The following PDE1C variants were observed in gnomAD, a reference collection of about 807,000 sequenced individuals.
PDE1C encodes the protein phosphodiesterase 1C, also known as dual specificity calcium/calmodulin-dependent 3',5'-cyclic nucleotide phosphodiesterase 1C.
A neutral mutation model predicts 93.1 loss-of-function variants in PDE1C; 62 were observed. That is an observed-to-expected ratio of 0.67 (90% CI 0.54 to 0.82). The LOEUF (loss-of-function observed/expected upper bound fraction) is 0.82, where lower values mean the gene tolerates loss of function less well. Among genes scored for constraint, PDE1C ranks in the 40% least tolerant of loss-of-function variants. The pLI is 0.00. For missense variants in PDE1C, 742 were observed against 884.6 expected (o/e 0.84, Z 2.04); for synonymous variants, 325 against 310.1 (o/e 1.05, Z -0.50).
At chr7:31,745,636 G>T in the PDE1C span, among the ~76,000 whole-genome samples, 1 of 152,062 alleles carries the variant, frequency 6.6e-6, no homozygotes, top group Non-Finnish European at 1.5e-5. Context: ...ATTTCCAAAG[G>T]CAAAAGGCAA....
At chr7:31,841,153 TA>T (rs575691246) in intron 9 of PDE1C, among the ~76,000 whole-genome samples, 3 of 151,774 alleles carry the variant, frequency 2.0e-5, no homozygotes, top group Non-Finnish European at 2.9e-5. Context: ...TGTGCTATTG[TA>T]AAAAATTATT....
chr7:32,019,150 TAAAAAAAAAAA>T (rs75146295), intron 2 of PDE1C, among the ~76,000 whole-genome samples: 2 of 118,842 alleles, frequency 1.7e-5, no homozygotes, highest in South Asian at 5.4e-4. Context: ...TATGTTGTTT[TAAAAAAAAAAA>T]AAAAAAAAAA....
At chr7:32,368,189 G>A (rs1002970731) in intron 1 of PDE1C, among the ~76,000 whole-genome samples, 1 of 151,992 alleles carries the variant, frequency 6.6e-6, no homozygotes, top group Admixed American at 6.6e-5. Context: ...AAAGAAGGAA[G>A]TCAGATTGTC....
intron 2 of PDE1C, among the ~76,000 whole-genome samples, chr7:32,044,657 T>C (rs1170232102): frequency 1.3e-5 from 2 of 151,788 alleles, no homozygotes; most frequent in Non-Finnish European, 1.5e-5. Flanking sequence ...GAAAGTAATG[T>C]GAAGGAAAAG....
chr7:32,140,722 A>G (rs1212361871), intron 3 of PDE1C, among the ~76,000 whole-genome samples: 3 of 152,090 alleles, frequency 2.0e-5, no homozygotes, highest in Non-Finnish European at 4.4e-5. Context: ...CCTTTTACCC[A>G]CTTCCCTTAC....
intron 1 of PDE1C, among the ~76,000 whole-genome samples, chr7:32,342,847 C>T (rs1783784859): frequency 6.6e-6 from 1 of 152,170 alleles, no homozygotes; most frequent in Admixed American, 6.5e-5. Flanking sequence ...TATTAGCTTT[C>T]TTATGCAGAA....
Position 32,418,170 on chromosome 7 carries a change from C to A in PDE1C, c.310+9652G>T, listed in dbSNP as rs73687200. ...TGCCCAGCCTTACTTCTGGAAACTT[C>A]CTCAGTACTATGGTCTTCCCCACAT... is the stretch of plus-strand genomic sequence containing the variant. On this transcript the variant is annotated intron_variant, in intron 1 of 1. Transcript: ENST00000672256. 8.7e-3 allele frequency among the ~76,000 whole-genome samples: 1,324 copies of A among 152,238 alleles called. 19 individuals carry two copies. Among genetic ancestry groups the A allele is most frequent in the African/African-American group, 0.026 (1,093 of 41,528 alleles).
intron 1 of PDE1C, among the ~76,000 whole-genome samples, chr7:32,343,961 T>G (rs1783805192): frequency 6.6e-6 from 1 of 152,270 alleles, no homozygotes; most frequent in Non-Finnish European, 1.5e-5. Flanking sequence ...TTCCTTGTAT[T>G]GTTTTGGAAA....
chr7:31,648,951 G>A, the PDE1C span, among the ~76,000 whole-genome samples: 1 of 152,208 alleles, frequency 6.6e-6, no homozygotes, highest in African/African-American at 2.4e-5. Context: ...ATCTATAACA[G>A]ATGCCCTTCA....
chr7:31,694,339 C>T, the PDE1C span, among the ~76,000 whole-genome samples: 2 of 150,530 alleles, frequency 1.3e-5, no homozygotes, highest in Non-Finnish European at 2.9e-5. Flanking sequence ...TCAACTGTAT[C>T]AGATGCTTTG....
At chr7:31,693,631 A>G in the PDE1C span, among the ~76,000 whole-genome samples, 5 of 152,212 alleles carry the variant, frequency 3.3e-5, no homozygotes, top group East Asian at 5.8e-4. Context: ...TGGTATTCAT[A>G]TTTAACAACT....
At chr7:32,380,633 T>C (rs1784516836) in intron 1 of PDE1C, among the ~76,000 whole-genome samples, 2 of 152,050 alleles carry the variant, frequency 1.3e-5, no homozygotes, top group South Asian at 2.1e-4. Flanking sequence ...TGACCTTGTG[T>C]TCCCAAATCA....
chr7:31,642,379 A>C, the PDE1C span: 3 of 726,162 alleles, frequency 4.1e-6, no homozygotes, highest in Non-Finnish European at 6.8e-6. Flanking sequence ...GTTTTAAATC[A>C]AGCCACAATT....
chr7:31,937,849 C>T (rs531533225), intron 2 of PDE1C, among the ~76,000 whole-genome samples: 1 of 152,268 alleles, frequency 6.6e-6, no homozygotes, highest in South Asian at 2.1e-4. Context: ...ATGAAAACTA[C>T]ACATTCAAGG....
At chr7:31,856,292 A>C (rs1794007450) in intron 7 of PDE1C, among the ~76,000 whole-genome samples, 1 of 152,324 alleles carries the variant, frequency 6.6e-6, no homozygotes, top group South Asian at 2.1e-4. Flanking sequence ...CAATGAAAGA[A>C]GTTTGTTTTG....
chr7:32,405,831 A>G (rs1347028384), intron 1 of PDE1C, among the ~76,000 whole-genome samples: 2 of 152,194 alleles, frequency 1.3e-5, no homozygotes, highest in East Asian at 1.9e-4. Context: ...CAATTATTCT[A>G]GGAATGTGTA....
intron 1 of PDE1C, among the ~76,000 whole-genome samples, chr7:32,390,838 G>A (rs180826785): frequency 3.3e-5 from 5 of 152,102 alleles, no homozygotes. Flanking sequence ...GGGCAACAGA[G>A]TGAGTCCTTG....
chr7:32,042,883 T>C (rs1311668359), intron 2 of PDE1C, among the ~76,000 whole-genome samples: 1 of 152,176 alleles, frequency 6.6e-6, no homozygotes. Context: ...AGAATACTGT[T>C]TTTGAGCCAA....
At chr7:32,395,981 T>A (rs1386038931) in intron 1 of PDE1C, among the ~76,000 whole-genome samples, 1 of 152,188 alleles carries the variant, frequency 6.6e-6, no homozygotes, top group Non-Finnish European at 1.5e-5. Flanking sequence ...AAAAACTCAG[T>A]AGTCCCTAAA....
Sources: gnomAD v4.1 joint callset for allele counts (sites outside exome capture counted in the v4.1 genomes callset) on GRCh38, gnomAD v4.1.1 for gene constraint, MANE v1.5 for transcripts, NCBI Gene and HGNC (gene_info 2026-07-23, HGNC 2026-07-21) for gene names.